HDAC9: variants seen among roughly 807,000 people sequenced by gnomAD.
HDAC9 encodes histone deacetylase 9.
In HDAC9, 41 loss-of-function variants were observed where a neutral mutation model predicts 139.4. That is an observed-to-expected ratio of 0.29 (90% CI 0.23 to 0.38). The LOEUF (loss-of-function observed/expected upper bound fraction) is 0.38. Among genes scored for constraint, HDAC9 ranks in the 10% least tolerant of loss-of-function variants. HDAC9 has a pLI of 1.00. For missense variants in HDAC9, 1,147 were observed against 1,297.0 expected (o/e 0.88, Z 1.78); for synonymous variants, 517 against 476.2 (o/e 1.09, Z -1.12).
chr7:18,647,611 C>T (rs900616769), intron 9 of HDAC9, among the ~76,000 whole-genome samples, 174 bp from the exon 10 acceptor site: 2 of 152,114 alleles, frequency 1.3e-5, no homozygotes, highest in African/African-American at 2.4e-5. Flanking sequence ...ATTTTTATTC[C>T]TTCTTTTTTG....
chr7:18,402,422 G>T (rs1210407606), intron 1 of HDAC9, among the ~76,000 whole-genome samples: 2 of 152,294 alleles, frequency 1.3e-5, no homozygotes, highest in East Asian at 1.9e-4. Context: ...GAAAGAGCCT[G>T]TGCAAAGGCA....
chr7:18,837,610 A>AT (rs970821577), intron 21 of HDAC9, among the ~76,000 whole-genome samples: 103 of 152,180 alleles, frequency 6.8e-4, no homozygotes, highest in South Asian at 2.1e-4. Flanking sequence ...GAATTCATAG[A>AT]TTTTTTAAAT....
At chr7:18,086,966 G>GGCCGC (rs1324408877) in exon 1 of HDAC9, 3 of 145,532 alleles carry the variant, frequency 2.1e-5, no homozygotes, top group Admixed American at 6.8e-5. Context: ...GCACCGAGCC[G>GGCCGC]GCCGCGCCGC....
rs914732524 is a variant in HDAC9 at position 18,796,751 on chromosome 7, T to G, written c.2322+3299T>G. ...TGGTTTTATTGTTTTATAGGACATT[T>G]TAGAAAGTATGTCAAAGACATAGAA... On this transcript the variant is annotated intron_variant, in intron 17 of 25. Transcript: ENST00000686413. 2.6e-5 allele frequency among the ~76,000 whole-genome samples: 4 copies of G among 152,154 alleles called. No individual in the cohort carries two copies. In the South Asian group the frequency reaches 8.3e-4, roughly 31 times the overall value.
At chr7:18,994,548 A>T (rs764276254) in intron 25 of HDAC9, among the ~76,000 whole-genome samples, 1 of 151,896 alleles carries the variant, frequency 6.6e-6, no homozygotes, top group Non-Finnish European at 1.5e-5. Context: ...TTCCACACAG[A>T]CTCTTTTAGA....
chr7:18,496,477 T>G lies in HDAC9; in HGVS notation c.22+153T>G. On this transcript the variant is annotated intron_variant, in intron 2 of 25. Coordinates refer to ENST00000686413, the MANE Select transcript of HDAC9 (RefSeq NM_178425.4). ...GTGCGTCTGTAGGGTTTAACTTAGA[T>G]CCCTTCCATTACTGTTTCTGTGCAT... The G allele has an allele frequency of 4.7e-6, 3 of 635,674 alleles. No individual in the cohort carries two copies. The South Asian group carries it at 6.1e-5, about 13-fold the overall frequency. The allele number at this position is 635,674 out of a possible 1,614,324, so 39.4% of individuals were successfully genotyped here. A position where few individuals can be genotyped will look rare whatever the true frequency, so the allele number is the denominator to read the frequency against.
At chr7:18,191,776 C>T (rs549058663) in intron 2 of HDAC9, among the ~76,000 whole-genome samples, 1 of 152,292 alleles carries the variant, frequency 6.6e-6, no homozygotes, top group East Asian at 1.9e-4. Flanking sequence ...TGCAGCTTTA[C>T]ATTTTATAAA....
intron 24 of HDAC9, among the ~76,000 whole-genome samples, chr7:18,968,194 A>C (rs1784008546): frequency 6.6e-6 from 1 of 152,178 alleles, no homozygotes; most frequent in Non-Finnish European, 1.5e-5. Flanking sequence ...AAACTTCAGC[A>C]AGACAGTTCA....
intron 1 of HDAC9, among the ~76,000 whole-genome samples, chr7:18,317,724 G>A (rs1799755262): frequency 6.6e-6 from 1 of 152,152 alleles, no homozygotes; most frequent in East Asian, 1.9e-4. Flanking sequence ...CTGTGGAATT[G>A]TTTCGGGGGA....
chr7:18,827,485 G>A (rs886094167), intron 17 of HDAC9, among the ~76,000 whole-genome samples: 4 of 151,932 alleles, frequency 2.6e-5, no homozygotes, highest in Non-Finnish European at 4.4e-5. Flanking sequence ...AGCATTTAGC[G>A]TACCCCCCTC....
intron 16 of HDAC9, among the ~76,000 whole-genome samples, chr7:18,784,965 G>GTC (rs1295936172): frequency 6.6e-6 from 1 of 150,984 alleles, no homozygotes; most frequent in Admixed American, 6.6e-5. Context: ...GTGTGTGTGT[G>GTC]TGTGTGTGTC....
rs143895842 is a variant in HDAC9, at chr7:18,799,629, C to T, written c.2322+6177C>T. On this transcript the variant is annotated intron_variant, in intron 17 of 25. Coordinates refer to ENST00000686413, the MANE Select transcript of HDAC9 (RefSeq NM_178425.4). ...AGGAAAATTCTGGATTTGAAAAACACGATAACTTAAATGAAAAATTTACTA... is the reference window on the plus strand; with the variant it reads ...AGGAAAATTCTGGATTTGAAAAACATGATAACTTAAATGAAAAATTTACTA... 2.6e-5 allele frequency among the ~76,000 whole-genome samples: 4 copies of T among 152,078 alleles called. No individual in the cohort carries two copies. The East Asian group carries it at 5.8e-4, about 22-fold the overall frequency.
chr7:18,596,576 AC>A (rs1212225307), intron 6 of HDAC9, among the ~76,000 whole-genome samples: 1 of 152,178 alleles, frequency 6.6e-6, no homozygotes, highest in Non-Finnish European at 1.5e-5. Context: ...CCATAATAAA[AC>A]ATATGTGATG....
rs561954847 is a variant in HDAC9, at chr7:18,966,304, G to C, written c.3023-9502G>C. ...AGTTGTAAATGACATTTAAATTTCT[G>C]ATCTGGGAGTTAAAGGAAGAAATAC... On this transcript the variant is annotated intron_variant, in intron 24 of 25. Coordinates refer to ENST00000686413, the MANE Select transcript of HDAC9 (RefSeq NM_178425.4). Among the ~76,000 whole-genome samples the C allele has an allele frequency of 3.3e-5, 5 of 152,266 alleles. No individual in the cohort carries two copies. In the East Asian group the frequency reaches 5.8e-4, roughly 18 times the overall value.
intron 2 of HDAC9, among the ~76,000 whole-genome samples, chr7:18,518,924 A>G (rs1258580249): frequency 1.3e-5 from 2 of 152,228 alleles, no homozygotes; most frequent in Non-Finnish European, 2.9e-5. Context: ...TCAAACGTGT[A>G]TGAAGCTGTG....
intron 21 of HDAC9, among the ~76,000 whole-genome samples, chr7:18,864,714 T>C (rs12700000): frequency 0.32 from 48,519 of 151,296 alleles, 8,147 homozygotes; most frequent in South Asian, 0.54. Flanking sequence ...GAGACAGAAA[T>C]TGGAATGGTG....
Position 18,703,134 on chromosome 7 carries a change from C to CA in HDAC9, c.1732-24438dup, listed in dbSNP as rs201670565. Among the ~76,000 whole-genome samples the CA allele has an allele frequency of 3.9e-3, 591 of 151,068 alleles. 3 individuals are homozygous for CA. Among genetic ancestry groups the CA allele is most frequent in the African/African-American group, 0.013 (554 of 41,228 alleles). Reference sequence around the variant, plus strand: ...TCTTTCCTGAAACTTTAAAGCCAATCAAAAAAAACAGATACACTGAGTATA... The same window carrying CA: ...TCTTTCCTGAAACTTTAAAGCCAATCAAAAAAAAACAGATACACTGAGTATA... On this transcript the variant is annotated intron_variant, in intron 12 of 25. Coordinates refer to ENST00000686413, the MANE Select transcript of HDAC9 (RefSeq NM_178425.4).
chr7:18,290,665 A>G (rs1022308053), intron 1 of HDAC9: 1 of 385,782 alleles, frequency 2.6e-6, no homozygotes, highest in Non-Finnish European at 5.1e-6. Flanking sequence ...AGGTTTTCCA[A>G]TCAGTAACAG....
intron 8 of HDAC9, among the ~76,000 whole-genome samples, chr7:18,641,369 C>G (rs1785546099): frequency 6.6e-6 from 1 of 152,036 alleles, no homozygotes; most frequent in African/African-American, 2.4e-5. Context: ...GCTCCTTCCT[C>G]TAATTACAGT....
Sources: allele counts gnomAD v4.1 joint callset (sites outside exome capture counted in the v4.1 genomes callset), GRCh38; gene constraint gnomAD v4.1.1; transcripts MANE v1.5; gene names NCBI Gene and HGNC (gene_info 2026-07-23, HGNC 2026-07-21).